The following RAB6A variants were observed in gnomAD, a reference collection of about 807,000 sequenced individuals.
RAB6A encodes the protein ras-related protein Rab-6A.
In RAB6A, 8 loss-of-function variants were observed where a neutral mutation model predicts 32.3. That is an observed-to-expected ratio of 0.25 (90% CI 0.15 to 0.45). The LOEUF (loss-of-function observed/expected upper bound fraction) is 0.45, where lower values mean the gene tolerates loss of function less well. Among genes scored for constraint, RAB6A ranks in the 20% least tolerant of loss-of-function variants. RAB6A has a pLI of 1.00. For missense variants in RAB6A, 104 were observed against 249.4 expected, an observed-to-expected ratio of 0.42 and a Z score of 3.93; for synonymous variants, 73 against 82.1, an observed-to-expected ratio of 0.89 and a Z score of 0.60.
rs925223045 is a variant in RAB6A at position 73,760,749 on chromosome 11, C to G, written c.-114G>C. On this transcript the variant is annotated 5_prime_UTR_variant, in exon 1 of 8. Transcript: ENST00000336083. ...AGGGCGGGCACCGAGCTCTCTCGGC[C>G]CCTGCAAGGCCCGGTGGAGGAGCCC... is the stretch of plus-strand genomic sequence containing the variant. The G allele has an allele frequency of 1.6e-4, 229 of 1,434,620 alleles. No individual in the cohort carries two copies. The highest frequency in any genetic ancestry group is 1.6e-4 in the Non-Finnish European group (169 of 1,056,446). 88.9% of individuals were successfully genotyped at this position (1,434,620 alleles called of 1,614,324 possible). A position where few individuals can be genotyped will look rare whatever the true frequency, so the allele number is the denominator to read the frequency against.
chr11:73,678,302 C>T (rs1260689699), intron 7 of RAB6A, among the ~76,000 whole-genome samples: 2 of 152,170 alleles, frequency 1.3e-5, no homozygotes, highest in South Asian at 4.1e-4. Context: ...GTTCCAACAG[C>T]AGAGGAAACA....
intron 1 of RAB6A, among the ~76,000 whole-genome samples, chr11:73,739,284 A>AAAATATATATATAT (rs1208877325): frequency 3.0e-4 from 2 of 6,760 alleles, no homozygotes; most frequent in Admixed American, 3.4e-3. Flanking sequence ...AAAAAAAAAA[A>AAAATATATATATAT]ATATATATAT....
chr11:73,732,242 T>C (rs1168048680), intron 1 of RAB6A, among the ~76,000 whole-genome samples: 1 of 151,970 alleles, frequency 6.6e-6, no homozygotes, highest in Non-Finnish European at 1.5e-5. Flanking sequence ...AGGAACTGGG[T>C]AAATCAACAT....
At chr11:73,686,643 C>T (rs1430776272) in intron 6 of RAB6A, among the ~76,000 whole-genome samples, 1 of 152,082 alleles carries the variant, frequency 6.6e-6, no homozygotes. Context: ...AAAGGTTTGG[C>T]TACTTTCTAA....
intron 2 of RAB6A, among the ~76,000 whole-genome samples, chr11:73,728,696 T>A (rs1191760087): frequency 2.0e-5 from 3 of 150,382 alleles, no homozygotes; most frequent in Non-Finnish European, 4.4e-5. Flanking sequence ...GTTGCTGGAT[T>A]CAGTTTGGTT....
chr11:73,746,920 C>A (rs927516409), intron 1 of RAB6A, among the ~76,000 whole-genome samples: 1 of 152,118 alleles, frequency 6.6e-6, no homozygotes, highest in Non-Finnish European at 1.5e-5. Flanking sequence ...CAGTAGTACA[C>A]GTAGTAGGAC....
chr11:73,688,571 T>A (rs894761913), intron 6 of RAB6A, among the ~76,000 whole-genome samples: 8 of 152,234 alleles, frequency 5.3e-5, no homozygotes, highest in African/African-American at 1.9e-4. Flanking sequence ...TCTTGAACTC[T>A]TAAGAGATCT....
At chr11:73,725,681 T>G (rs957322453) in intron 2 of RAB6A, among the ~76,000 whole-genome samples, 4 of 152,154 alleles carry the variant, frequency 2.6e-5, no homozygotes, top group Non-Finnish European at 5.9e-5. Flanking sequence ...TTCAATTATC[T>G]TCCACTGGAT....
chr11:73,739,284 A>AAAAAAAAAAAAAT (rs1208877325), intron 1 of RAB6A, among the ~76,000 whole-genome samples: 1 of 6,762 alleles, frequency 1.5e-4, no homozygotes, highest in African/African-American at 3.2e-4. Flanking sequence ...AAAAAAAAAA[A>AAAAAAAAAAAAAT]ATATATATAT....
At chr11:73,716,195 A>C in intron 5 of RAB6A, 56 bp downstream of exon 5, 1 of 1,332,654 alleles carries the variant, frequency 7.5e-7, no homozygotes, top group Non-Finnish European at 1.1e-6. Flanking sequence ...GTGAACAAAA[A>C]TAAAAGGCTG....
chr11:73,749,346 T>G (rs1489270235), intron 1 of RAB6A, among the ~76,000 whole-genome samples: 2 of 152,042 alleles, frequency 1.3e-5, no homozygotes, highest in Non-Finnish European at 2.9e-5. Flanking sequence ...GATAATGGAC[T>G]TTGGGGACTC....
intron 1 of RAB6A, among the ~76,000 whole-genome samples, chr11:73,742,081 C>A (rs182768615): frequency 1.1e-4 from 17 of 151,518 alleles, no homozygotes; most frequent in African/African-American, 3.9e-4. Flanking sequence ...CAGAGGTTCA[C>A]GACCAGCCTG....
At chr11:73,750,965 G>C (rs1200289632) in intron 1 of RAB6A, among the ~76,000 whole-genome samples, 2 of 151,612 alleles carry the variant, frequency 1.3e-5, no homozygotes, top group African/African-American at 4.9e-5. Flanking sequence ...CACCACACCT[G>C]GTTAATTTTT....
At chr11:73,716,645 A>C (rs1186885417) in intron 4 of RAB6A, among the ~76,000 whole-genome samples, 2 of 152,144 alleles carry the variant, frequency 1.3e-5, no homozygotes, top group Non-Finnish European at 2.9e-5. Context: ...AAAAAAAAAC[A>C]ACTTTTTGAA....
At chr11:73,721,034 T>C (rs562329882) in intron 2 of RAB6A, 135 bp from the exon 3 acceptor site, 1 of 696,454 alleles carries the variant, frequency 1.4e-6, no homozygotes, top group East Asian at 2.7e-5. Flanking sequence ...TTAAGGACAA[T>C]TAAGGACAAA....
intron 1 of RAB6A, among the ~76,000 whole-genome samples, chr11:73,751,101 C>T (rs1946663563): frequency 6.6e-6 from 1 of 151,986 alleles, no homozygotes; most frequent in African/African-American, 2.4e-5. Context: ...CACCATGCCC[C>T]CCGGCCAAAG....
At chr11:73,701,730 T>G (rs565359680) in intron 6 of RAB6A, among the ~76,000 whole-genome samples, 64 of 151,882 alleles carry the variant, frequency 4.2e-4, no homozygotes, top group Non-Finnish European at 8.1e-4. Context: ...CTCAGCTCAC[T>G]GCTGCCTCGA....
At chr11:73,685,493 T>G (rs1349051437) in intron 6 of RAB6A, among the ~76,000 whole-genome samples, 1 of 150,792 alleles carries the variant, frequency 6.6e-6, no homozygotes, top group East Asian at 1.9e-4. Context: ...TTCACTGTGA[T>G]AGCCAGGATG....
In RAB6A at chr11:73,733,188, G is replaced by T. The variant is rs372036650; in HGVS notation, c.71-2365C>A. Among the ~76,000 whole-genome samples the T allele has an allele frequency of 4.7e-4, 72 of 152,080 alleles. No homozygotes were observed. In the South Asian group the frequency reaches 7.3e-3, roughly 15 times the overall value. Reference sequence around the variant, plus strand: ...CTTCTGCTGTTACATTGATTTTTTTGTTGTTGTTGTTTTAAGCCAAGTCTT... The same window carrying T: ...CTTCTGCTGTTACATTGATTTTTTTTTTGTTGTTGTTTTAAGCCAAGTCTT... On this transcript the variant is annotated intron_variant, in intron 1 of 7. Transcript: ENST00000336083.
Sources: gnomAD v4.1 joint callset for allele counts (sites outside exome capture counted in the v4.1 genomes callset) on GRCh38, gnomAD v4.1.1 for gene constraint, MANE v1.5 for transcripts, NCBI Gene and HGNC (gene_info 2026-07-23, HGNC 2026-07-21) for gene names.